BORCS5: variants seen among roughly 807,000 people sequenced by gnomAD.
BORCS5 encodes the protein BLOC-1 related complex subunit 5.
BORCS5 carries 17 observed loss-of-function variants against 22.1 expected under a neutral mutation model. The observed-to-expected ratio is 0.77, with a 90% confidence interval of 0.53 to 1.15. The LOEUF (loss-of-function observed/expected upper bound fraction) is 1.15. Ranked by LOEUF, BORCS5 falls within the 50% of genes most tolerant of loss-of-function variation. The pLI, the probability that BORCS5 is intolerant of heterozygous loss-of-function variation, is 0.00. For synonymous variants in BORCS5, 117 were observed against 99.8 expected, an observed-to-expected ratio of 1.17 and a Z score of -1.03; for missense variants, 247 against 253.2, an observed-to-expected ratio of 0.98 and a Z score of 0.17.
intron 2 of BORCS5, among the ~76,000 whole-genome samples, chr12:12,392,991 T>C (rs747308228): frequency 6.6e-6 from 1 of 152,084 alleles, no homozygotes; most frequent in Admixed American, 6.6e-5. Flanking sequence ...GCCAGCACTT[T>C]AGGAGGCTGA....
intron 2 of BORCS5, among the ~76,000 whole-genome samples, chr12:12,393,571 A>G (rs73061463): frequency 0.6 from 90,805 of 150,694 alleles, 28,670 homozygotes; most frequent in African/African-American, 0.78. Flanking sequence ...TCAGGCTGGA[A>G]TGCAGTGGCA....
rs1489054619 is a variant in BORCS5, at chr12:12,469,053, A to G, written c.*3277A>G. ...ACTCCATACCCTGATATAGGAGTAC[A>G]TTCAAGAAATGAGTTTAGGCCGGGC... On this transcript the variant is annotated 3_prime_UTR_variant, in exon 4 of 4. Transcript: ENST00000314565. 1 of 152,250 alleles carries G rather than the reference A, an allele frequency of 6.6e-6. No individual in the cohort carries two copies. The highest frequency in any genetic ancestry group is 1.5e-5 in the Non-Finnish European group (1 of 68,052). The allele number at this position is 152,250 out of a possible 1,614,324, so 9.4% of individuals were successfully genotyped here. A position where few individuals can be genotyped will look rare whatever the true frequency, so the allele number is the denominator to read the frequency against.
intron 2 of BORCS5, 112 bp downstream of exon 2, chr12:12,361,461 G>T: frequency 8.5e-7 from 1 of 1,176,520 alleles, no homozygotes; most frequent in South Asian, 1.5e-5. Context: ...TTAGGTCTTT[G>T]CTTAAATGGC....
In BORCS5 at chr12:12,357,215, C is replaced by T. The variant is rs1405000814; in HGVS notation, c.-237C>T. 6 of 1,483,484 alleles carry T rather than the reference C, an allele frequency of 4.0e-6. No individual in the cohort carries two copies. The highest frequency in any genetic ancestry group is 2.3e-5 in the Admixed American group (1 of 42,582). 91.9% of individuals were successfully genotyped at this position (1,483,484 alleles called of 1,614,324 possible). A position where few individuals can be genotyped will look rare whatever the true frequency, so the allele number is the denominator to read the frequency against. On this transcript the variant is annotated 5_prime_UTR_variant, in exon 1 of 4. Coordinates refer to ENST00000314565, the MANE Select transcript of BORCS5 (RefSeq NM_058169.6). ...GCTCCCGGAAAGAAGGAGGGCTAGC[C>T]GCGTGCGTTCGCGCCGCGCCTCCTT...
rs1943239979 is a variant in BORCS5 at position 12,468,698 on chromosome 12, G to C, written c.*2922G>C. On this transcript the variant is annotated 3_prime_UTR_variant, in exon 4 of 4. Coordinates refer to ENST00000314565, the MANE Select transcript of BORCS5 (RefSeq NM_058169.6). ...TTTTCTTCCTTTTAATTATAAATTA[G>C]CTGTTCATTGGCTGCTTCTTTCTAG... is the stretch of plus-strand genomic sequence containing the variant. 1 of 152,136 alleles carries C rather than the reference G, an allele frequency of 6.6e-6. No individual in the cohort carries two copies. Among genetic ancestry groups the C allele is most frequent in the Non-Finnish European group, 1.5e-5 (1 of 68,024 alleles). 9.4% of individuals were successfully genotyped at this position (152,136 alleles called of 1,614,324 possible).
intron 2 of BORCS5, among the ~76,000 whole-genome samples, chr12:12,397,182 C>T (rs1414120399): frequency 6.6e-6 from 1 of 152,134 alleles, no homozygotes; most frequent in Non-Finnish European, 1.5e-5. Flanking sequence ...TGGAACTCCC[C>T]AGAACAGGCT....
In BORCS5 at chr12:12,470,856, C is replaced by G. The variant is rs145931664; in HGVS notation, c.*5080C>G. ...TGCTGGTGTGTGCGTGTCCATGCCT[C>G]CGGGATTTTTCCAGGGTTATCAATG... On this transcript the variant is annotated 3_prime_UTR_variant, in exon 4 of 4. Coordinates refer to ENST00000314565, the MANE Select transcript of BORCS5 (RefSeq NM_058169.6). 3.2e-4 allele frequency among the ~76,000 whole-genome samples: 48 copies of G among 152,070 alleles called. No individual in the cohort carries two copies. Among genetic ancestry groups the G allele is most frequent in the Non-Finnish European group, 6.0e-4 (41 of 67,978 alleles).
rs1463094487 is a variant in BORCS5, at chr12:12,413,915, C to CGGCT, written c.203-21709_203-21706dup. On this transcript the variant is annotated intron_variant, in intron 2 of 3. Transcript: ENST00000314565. The stretch of plus-strand genomic sequence containing the variant: ...CCCCCCACCTCCCTCCCGGACTGGG[C>CGGCT]GGCTGGCCGGGCGGGGGGCTGACCC... 3.7e-5 allele frequency among the ~76,000 whole-genome samples: 2 copies of CGGCT among 54,678 alleles called. 1 individual carries two copies. Among genetic ancestry groups the CGGCT allele is most frequent in the Non-Finnish European group, 7.2e-5 (2 of 27,744 alleles). The allele number at this position is 54,678 out of a possible 152,430, so 35.9% of individuals were successfully genotyped here. A position where few individuals can be genotyped will look rare whatever the true frequency, so the allele number is the denominator to read the frequency against.
chr12:12,438,385 A>AAAAAAAAAAAAAAAACAC lies in BORCS5; in HGVS notation c.360+2602_360+2603insAAAAAAAAAAAAACACAA, dbSNP rs1555156048. Among the ~76,000 whole-genome samples, 77 of 126,134 alleles carry AAAAAAAAAAAAAAAACAC rather than the reference A, an allele frequency of 6.1e-4. 2 individuals carry two copies. The highest frequency in any genetic ancestry group is 2.5e-3 in the African/African-American group (76 of 30,562). The allele number at this position is 126,134 out of a possible 152,430, so 82.7% of individuals were successfully genotyped here. A position where few individuals can be genotyped will look rare whatever the true frequency, so the allele number is the denominator to read the frequency against. On this transcript the variant is annotated intron_variant, in intron 3 of 3. Coordinates refer to ENST00000314565, the MANE Select transcript of BORCS5 (RefSeq NM_058169.6). ...CAAAAAAAAAAAAAAAAAAAACGAA[A>AAAAAAAAAAAAAAAACAC]AACAACAACAAAAACCTCTAATCCA...
intron 2 of BORCS5, among the ~76,000 whole-genome samples, chr12:12,373,045 A>G (rs1009910626): frequency 7.2e-5 from 11 of 152,054 alleles, no homozygotes; most frequent in African/African-American, 2.7e-4. Flanking sequence ...GTAATCCCCA[A>G]TATGCTGTAT....
chr12:12,379,861 T>C (rs1863738894), intron 2 of BORCS5, among the ~76,000 whole-genome samples: 1 of 151,466 alleles, frequency 6.6e-6, no homozygotes, highest in South Asian at 2.1e-4. Flanking sequence ...GGCAAACTGG[T>C]GCAAGAGGCC....
chr12:12,449,544 G>A (rs1034906068), intron 3 of BORCS5, among the ~76,000 whole-genome samples: 20 of 152,206 alleles, frequency 1.3e-4, no homozygotes, highest in African/African-American at 3.9e-4. Context: ...AGGGTAAGAA[G>A]GCATCGGGGA....
intron 2 of BORCS5, among the ~76,000 whole-genome samples, chr12:12,415,401 C>T (rs1164063903): frequency 1.3e-5 from 2 of 151,506 alleles, no homozygotes; most frequent in Non-Finnish European, 3.0e-5. Flanking sequence ...AAAACGAAAA[C>T]CAGTCAGGCG....
At position 12,465,714 on chromosome 12, in the gene BORCS5, C is replaced by T; in HGVS notation, c.529C>T (p.Leu177=). ...VPLLDRLNSM[L]PEGERLEPFS... ...CCTGCTGGACAGGCTCAACAGCATG[C>T]TGCCCGAGGGCGAGCGGCTGGAGCC... is the stretch of plus-strand genomic sequence containing the variant. Residue 177 remains leucine, a synonymous_variant, in exon 4 of 4, where the codon CTG becomes TTG. Coordinates refer to ENST00000314565, the MANE Select transcript of BORCS5 (RefSeq NM_058169.6). The T allele has an allele frequency of 6.2e-7, 1 of 1,614,212 alleles. No homozygotes were observed. The highest frequency in any genetic ancestry group is 1.3e-5 in the African/African-American group (1 of 75,084).
At chr12:12,441,241 G>T (rs982860625) in intron 3 of BORCS5, among the ~76,000 whole-genome samples, 1 of 152,190 alleles carries the variant, frequency 6.6e-6, no homozygotes, top group Non-Finnish European at 1.5e-5. Context: ...GTGCCATTAG[G>T]CATTGAGGGC....
At chr12:12,377,594 A>G (rs1472399323) in intron 2 of BORCS5, among the ~76,000 whole-genome samples, 1 of 151,992 alleles carries the variant, frequency 6.6e-6, no homozygotes, top group African/African-American at 2.4e-5. Flanking sequence ...ACTAGATGTC[A>G]TGGGGGAAAA....
intron 2 of BORCS5, among the ~76,000 whole-genome samples, chr12:12,401,450 T>A (rs1271797891): frequency 6.6e-6 from 1 of 152,212 alleles, no homozygotes; most frequent in Non-Finnish European, 1.5e-5. Flanking sequence ...AAAGAATTGT[T>A]TTGATTTCTG....
chr12:12,364,111 C>T (rs1045285111), intron 2 of BORCS5, among the ~76,000 whole-genome samples: 4 of 152,154 alleles, frequency 2.6e-5, no homozygotes, highest in East Asian at 1.9e-4. Context: ...CACAGTGGCT[C>T]ATGCCTGTAA....
intron 3 of BORCS5, among the ~76,000 whole-genome samples, chr12:12,436,661 A>C (rs1183617882): frequency 6.6e-6 from 1 of 152,226 alleles, no homozygotes; most frequent in African/African-American, 2.4e-5. Flanking sequence ...ATGGAGAAAC[A>C]AGTGATGGAG....
Sources: allele counts gnomAD v4.1 joint callset (sites outside exome capture counted in the v4.1 genomes callset), GRCh38; gene constraint gnomAD v4.1.1; transcripts MANE v1.5; gene names NCBI Gene and HGNC (gene_info 2026-07-23, HGNC 2026-07-21).